Variants in DDI2 observed in about 807,000 individuals in gnomAD.
DDI2 encodes the protein DDI proteasomal shuttling factor 2, also known as protein DDI1 homolog 2.
A neutral mutation model predicts 48.1 loss-of-function variants in DDI2; 5 were observed. The ratio of observed to expected loss-of-function variants is 0.10; its 90% CI spans 0.05 to 0.22. DDI2 has a LOEUF of 0.22. Ranked by LOEUF, DDI2 falls within the 10% of genes least tolerant of loss-of-function variation. The probability of loss-of-function intolerance (pLI) is 1.00; values close to 1 mark genes in which losing one functional copy is unlikely to be tolerated. For synonymous variants in DDI2, 205 were observed against 183.6 expected (o/e 1.12, Z -0.94); for missense variants, 285 against 506.2 (o/e 0.56, Z 4.19).
intron 3 of DDI2, among the ~76,000 whole-genome samples, chr1:15,633,024 C>G (rs1639871158): frequency 1.3e-5 from 2 of 150,746 alleles, no homozygotes; most frequent in African/African-American, 4.9e-5. Flanking sequence ...TGGGCTCAGG[C>G]CATCCCCCCA....
intron 8 of DDI2, among the ~76,000 whole-genome samples, chr1:15,654,645 A>G (rs1181149917): frequency 1.4e-5 from 2 of 147,082 alleles, no homozygotes; most frequent in East Asian, 4.0e-4. Context: ...TGACAGAGTG[A>G]GATCCTGTGT....
At chr1:15,638,512 T>A in intron 5 of DDI2, 78 bp downstream of exon 5, 4 of 1,288,498 alleles carry the variant, frequency 3.1e-6, no homozygotes, top group Non-Finnish European at 3.3e-6. Context: ...GGCTCAAGCA[T>A]CCGTTCAGAT....
Position 15,649,713 on chromosome 1 carries a change from T to A in DDI2, c.890-7T>A, listed in dbSNP as rs536835773. 17 of 1,607,066 alleles carry A rather than the reference T, an allele frequency of 1.1e-5. No homozygotes were observed. The highest frequency in any genetic ancestry group is 1.7e-5 in the Admixed American group (1 of 58,026). ...ACAATAACCTTTTCTCTTCATGTGC[T>A]TTTTAGCTCAGGTTCAGATTGAAGG... On this transcript the variant is annotated splice_polypyrimidine_tract_variant and splice_region_variant and intron_variant, in intron 6 of 9. Transcript: ENST00000480945.
In DDI2 at chr1:15,666,403, TCA is replaced by T. The variant is rs1396506267; in HGVS notation, c.*6616_*6617del. The T allele has an allele frequency of 1.3e-5, 2 of 152,222 alleles. No individual in the cohort carries two copies. The highest frequency in any genetic ancestry group is 4.8e-5 in the African/African-American group (2 of 41,460). 9.4% of individuals were successfully genotyped at this position (152,222 alleles called of 1,614,324 possible). A position where few individuals can be genotyped will look rare whatever the true frequency, so the allele number is the denominator to read the frequency against. On this transcript the variant is annotated 3_prime_UTR_variant, in exon 10 of 10. Transcript: ENST00000480945. The stretch of plus-strand genomic sequence containing the variant: ...TCAGGCTCACCTTGACTGAGTTGAT[TCA>T]CAGTTATCCTGCATCAGACCATTAG...
At chr1:15,657,962 G>A (rs1424074238) in intron 9 of DDI2, among the ~76,000 whole-genome samples, 1 of 152,110 alleles carries the variant, frequency 6.6e-6, no homozygotes, top group Non-Finnish European at 1.5e-5. Flanking sequence ...GTCTTCTCAT[G>A]CTGTTAACCA....
chr1:15,622,620 G>A (rs367966412), intron 1 of DDI2, among the ~76,000 whole-genome samples: 60 of 152,132 alleles, frequency 3.9e-4, no homozygotes, highest in Non-Finnish European at 7.5e-4. Flanking sequence ...TAGCTGTTGA[G>A]TTGGGTAACA....
intron 2 of DDI2, among the ~76,000 whole-genome samples, chr1:15,629,020 A>T (rs7535934): frequency 0.2 from 30,423 of 152,140 alleles, 3,164 homozygotes; most frequent in Middle Eastern, 0.26. Context: ...TAGTAAGGTC[A>T]GTTCCACCTG....
chr1:15,622,064 C>A (rs1639674821), intron 1 of DDI2, among the ~76,000 whole-genome samples: 1 of 152,062 alleles, frequency 6.6e-6, no homozygotes, highest in Non-Finnish European at 1.5e-5. Flanking sequence ...GGTTTATGGT[C>A]CTTATTTTAT....
At chr1:15,656,295 A>C in intron 8 of DDI2, 2 of 682,408 alleles carry the variant, frequency 2.9e-6, no homozygotes, top group South Asian at 5.5e-5. Flanking sequence ...GATTTTTTTA[A>C]TCACCTAATT....
At chr1:15,639,231 C>G (rs1456319772) in intron 5 of DDI2, among the ~76,000 whole-genome samples, 1 of 151,862 alleles carries the variant, frequency 6.6e-6, no homozygotes, top group African/African-American at 2.4e-5. Flanking sequence ...CAACCGTTTG[C>G]TTTTTAGTAA....
At chr1:15,650,199 G>A (rs1640156003) in intron 7 of DDI2, among the ~76,000 whole-genome samples, 1 of 152,216 alleles carries the variant, frequency 6.6e-6, no homozygotes, top group Non-Finnish European at 1.5e-5. Flanking sequence ...CAGTACTTGG[G>A]AAGAAGACCT....
intron 1 of DDI2, among the ~76,000 whole-genome samples, chr1:15,624,734 C>T (rs936154377): frequency 3.9e-5 from 6 of 152,018 alleles, no homozygotes; most frequent in African/African-American, 1.2e-4. Flanking sequence ...TCCAATGGAA[C>T]GCTAAGCTTG....
chr1:15,648,834 CAAA>C (rs36082177), intron 6 of DDI2, among the ~76,000 whole-genome samples: 6 of 95,934 alleles, frequency 6.3e-5, no homozygotes, highest in East Asian at 2.8e-4. Context: ...GACCCTGTCT[CAAA>C]AAAAAAAAAA....
chr1:15,617,576 T>C lies in DDI2; in HGVS notation c.-95T>C. The C allele has an allele frequency of 1.8e-6, 2 of 1,100,824 alleles. No homozygotes were observed. Among genetic ancestry groups the C allele is most frequent in the Non-Finnish European group, 2.3e-6 (2 of 865,234 alleles). The allele number at this position is 1,100,824 out of a possible 1,614,324, so 68.2% of individuals were successfully genotyped here. A position where few individuals can be genotyped will look rare whatever the true frequency, so the allele number is the denominator to read the frequency against. ...AGCGAACGAGCAGCCGGCGCCGTCC[T>C]CCCGCAGCACCAGCCAGGCCACGCC... On this transcript the variant is annotated 5_prime_UTR_variant, in exon 1 of 10. Transcript: ENST00000480945.
chr1:15,667,549 C>G lies in DDI2; in HGVS notation c.*7759C>G, dbSNP rs1640473337. On this transcript the variant is annotated 3_prime_UTR_variant, in exon 10 of 10. Coordinates refer to ENST00000480945, the MANE Select transcript of DDI2 (RefSeq NM_032341.5). ...TGCAGGATGTGCTATTTTAAAGCAG[C>G]TGGGTGCAACTTGTGAAAACGGGAA... 6.6e-6 allele frequency: 1 copy of G among 152,216 alleles called. No homozygotes were observed. The highest frequency in any genetic ancestry group is 1.5e-5 in the Non-Finnish European group (1 of 68,060). The allele number at this position is 152,216 out of a possible 1,614,324, so 9.4% of individuals were successfully genotyped here.
At position 15,633,519 on chromosome 1, in the gene DDI2, G is replaced by A. The variant is rs1349592093; in HGVS notation, c.586G>A (p.Asp196Asn). ...AGAAAGGATTCGTCTGTTTTCTGCT[G>A]ATCCCTTTGACCTTGAAGCTCAGGC... ...EQERIRLFSADPFDLEAQAKI... is the reference protein window; with the variant it reads ...EQERIRLFSANPFDLEAQAKI... Residue 196 changes from aspartate (D) to asparagine (N), a missense_variant, in exon 4 of 10, where the codon GAT (aspartate) becomes AAT (asparagine). Coordinates refer to ENST00000480945, the MANE Select transcript of DDI2 (RefSeq NM_032341.5). 2 of 1,613,684 alleles carry A rather than the reference G, an allele frequency of 1.2e-6. No individual in the cohort carries two copies. The highest frequency in any genetic ancestry group is 1.1e-5 in the South Asian group (1 of 91,056).
rs114120694 is a variant in DDI2, at chr1:15,645,114, A to C, written c.889+1464A>C. On this transcript the variant is annotated intron_variant, in intron 6 of 9. Coordinates refer to ENST00000480945, the MANE Select transcript of DDI2 (RefSeq NM_032341.5). ...CATATTGGCCAGGATGATCTCTCTCAAATTCCTGGCCTCAAGTGATCCGCC... is the reference window on the plus strand; with the variant it reads ...CATATTGGCCAGGATGATCTCTCTCCAATTCCTGGCCTCAAGTGATCCGCC... Among the ~76,000 whole-genome samples the C allele has an allele frequency of 8.9e-3, 1,335 of 149,910 alleles. 19 individuals are homozygous for C. Among genetic ancestry groups the C allele is most frequent in the African/African-American group, 0.03 (1,223 of 40,676 alleles).
At chr1:15,650,229 A>G (rs1402037521) in intron 7 of DDI2, among the ~76,000 whole-genome samples, 1 of 152,250 alleles carries the variant, frequency 6.6e-6, no homozygotes, top group Non-Finnish European at 1.5e-5. Flanking sequence ...AGGAAGGTAT[A>G]TGTTGGGAGT....
In DDI2 at chr1:15,617,822, C is replaced by T. The variant is rs867793419; in HGVS notation, c.138+14C>T. On this transcript the variant is annotated intron_variant, in intron 1 of 9. Coordinates refer to ENST00000480945, the MANE Select transcript of DDI2 (RefSeq NM_032341.5). ...GCCGAGAGCCAGGTACGCCGGGCAGCGAGCCGGGCCTGCCCCGGAGCTAAG... is the reference window on the plus strand; with the variant it reads ...GCCGAGAGCCAGGTACGCCGGGCAGTGAGCCGGGCCTGCCCCGGAGCTAAG... The T allele has an allele frequency of 1.6e-5, 26 of 1,577,250 alleles. 2 individuals carry two copies. In the Middle Eastern group the frequency reaches 4.3e-3, roughly 263 times the overall value.
Sources: gnomAD v4.1 joint callset for allele counts (sites outside exome capture counted in the v4.1 genomes callset) on GRCh38, gnomAD v4.1.1 for gene constraint, MANE v1.5 for transcripts, NCBI Gene and HGNC (gene_info 2026-07-23, HGNC 2026-07-21) for gene names.